Variants in PEX6 observed in about 807,000 individuals in gnomAD.
The protein encoded by PEX6 is peroxisome biogenesis factor 6.
In PEX6, 55 loss-of-function variants were observed where a neutral mutation model predicts 85.6. That is an observed-to-expected ratio of 0.64 (90% CI 0.52 to 0.80). PEX6 has a LOEUF of 0.80. Ranked by LOEUF, PEX6 falls within the 30% of genes least tolerant of loss-of-function variation. The pLI is 0.00. For missense variants in PEX6, 1,099 were observed against 1,260.3 expected (o/e 0.87, Z 1.94); for synonymous variants, 519 against 549.1 (o/e 0.95, Z 0.77).
rs372593973 is a variant in PEX6, at chr6:42,966,298, G to A, written c.2244C>T (p.Thr748=). Residue 748 remains threonine, a synonymous_variant, in exon 11 of 17, where the codon ACC becomes ACT. Transcript: ENST00000304611. ...SGLLLHGPPG[T]GKTLLAKAVA... is the part of the protein sequence containing the mutation. The stretch of plus-strand genomic sequence containing the variant: ...CTGCCTTGGCCAGAAGGGTCTTGCC[G>A]GTGCCAGGGGGCCCATGGAGCAGAA... The A allele has an allele frequency of 3.3e-5, 53 of 1,612,396 alleles. No homozygotes were observed. The highest frequency in any genetic ancestry group is 4.5e-5 in the East Asian group (2 of 44,888).
At chr6:42,976,686 G>T (rs1581775775) in intron 1 of PEX6, among the ~76,000 whole-genome samples, 2 of 151,770 alleles carry the variant, frequency 1.3e-5, no homozygotes, top group Admixed American at 6.6e-5. Flanking sequence ...CACAATGAAG[G>T]TTTATTTTTT....
chr6:42,968,372 G>A lies in PEX6; in HGVS notation c.1606C>T (p.Arg536Trp), dbSNP rs368752843. 3.1e-5 allele frequency: 50 copies of A among 1,614,128 alleles called. No individual in the cohort carries two copies. Among genetic ancestry groups the A allele is most frequent in the African/African-American group, 2.9e-4 (22 of 75,068 alleles). Residue 536 changes from arginine (R) to tryptophan (W), a missense_variant, in exon 7 of 17, where the codon CGG becomes TGG. By Grantham distance (101) the Arg-to-Trp change is moderately radical. Around this residue, in one of 3 missense-constraint regions of PEX6, gnomAD observed 514 missense variants for 627.0 expected, o/e 0.82. Transcript: ENST00000304611. ...LLLTAVDLLG[R>W]DRDGLGEDAR... Reference sequence around the variant, plus strand: ...TCCTCACCCAGCCCATCACGGTCCCGGCCCAGAAGGTCCACAGCTGTGAGC... The same window carrying A: ...TCCTCACCCAGCCCATCACGGTCCCAGCCCAGAAGGTCCACAGCTGTGAGC...
At position 42,971,140 on chromosome 6, in the gene PEX6, G is replaced by A. The variant is rs971104059; in HGVS notation, c.1131-1153C>T. On this transcript the variant is annotated intron_variant, in intron 3 of 16. Transcript: ENST00000304611. The surrounding 1 kb of genome is among the most constrained non-coding windows in gnomAD (Gnocchi z 4.4). ...AGCTGCTCTCTCTAGCAGCAAAGGG[G>A]TGTGAGAGTGCAGCAAGGTGGAGGG... Among the ~76,000 whole-genome samples, 4 of 152,184 alleles carry A rather than the reference G, an allele frequency of 2.6e-5. No homozygotes were observed. The highest frequency in any genetic ancestry group is 5.9e-5 in the Non-Finnish European group (4 of 68,034).
At position 42,968,948 on chromosome 6, in the gene PEX6, GT is replaced by G. The variant is rs267608218; in HGVS notation, c.1404del (p.Arg469GlyfsTer11). On this transcript the variant is annotated frameshift_variant, in exon 6 of 17. Coordinates refer to ENST00000304611, the MANE Select transcript of PEX6 (RefSeq NM_000287.4). LOFTEE classifies it high-confidence loss of function. Reference sequence around the variant, plus strand: ...GTCTTCCCACAGCCTGGGGGGCCCCGTAGAAGGACACTGCTAGTTCCTGTCA... The same window carrying G: ...GTCTTCCCACAGCCTGGGGGGCCCCGAGAAGGACACTGCTAGTTCCTGTCA... Reference protein sequence around the residue: ...ALLTGTSSVLLRGPPGCGKTT... With the variant: ...ALLTGTSSVLXRGPPGCGKTT... The G allele has an allele frequency of 6.2e-7, 1 of 1,613,938 alleles. No individual in the cohort carries two copies. Among genetic ancestry groups the G allele is most frequent in the Non-Finnish European group, 8.5e-7 (1 of 1,179,906 alleles).
rs1019384281 is a variant in PEX6, at chr6:42,965,856, G to A, written c.2363-67C>T. 1 of 1,438,328 alleles carries A rather than the reference G, an allele frequency of 7.0e-7. No individual in the cohort carries two copies. Among genetic ancestry groups the A allele is most frequent in the Non-Finnish European group, 9.8e-7 (1 of 1,022,144 alleles). 89.1% of individuals were successfully genotyped at this position (1,438,328 alleles called of 1,614,324 possible). ...TGTGGGGGGTTGAAGTTAGGTGAGA[G>A]CAGGGAGGGAAACTGGGGCCTGACA... On this transcript the variant is annotated intron_variant, in intron 12 of 16. Coordinates refer to ENST00000304611, the MANE Select transcript of PEX6 (RefSeq NM_000287.4). This position sits in a 1 kb window ranked among gnomAD's most constrained non-coding sequence, Gnocchi z 5.0.
chr6:42,966,203 C>A (rs758580244), intron 11 of PEX6, 39 bp downstream of exon 11: 5 of 1,610,558 alleles, frequency 3.1e-6, no homozygotes, highest in Non-Finnish European at 2.5e-6. Context: ...TGCTGCAGCC[C>A]CTGATCCACC....
intron 1 of PEX6, among the ~76,000 whole-genome samples, chr6:42,975,804 G>C (rs1279954169): frequency 6.6e-6 from 1 of 151,040 alleles, no homozygotes; most frequent in Non-Finnish European, 1.5e-5. Context: ...TCTTCCTCCT[G>C]GGTTCAAATG....
At chr6:42,969,855 G>A (rs772980297) in intron 4 of PEX6, 30 bp downstream of exon 4, 87 of 1,613,870 alleles carry the variant, frequency 5.4e-5, no homozygotes, top group Admixed American at 4.2e-4. Flanking sequence ...TACCCCCTGC[G>A]CTGGTCTACA....
Position 42,964,480 on chromosome 6 carries a change from G to A in PEX6, c.2807-9C>T. On this transcript the variant is annotated splice_polypyrimidine_tract_variant and intron_variant, in intron 16 of 16. Coordinates refer to ENST00000304611, the MANE Select transcript of PEX6 (RefSeq NM_000287.4). The surrounding 1 kb of genome is among the most constrained non-coding windows in gnomAD (Gnocchi z 4.6). ...GCTACCTGGCTCCAGCCCTGGAGAT[G>A]ACAAGGTGGGGAGGCTGTGGTCTAT... is the stretch of plus-strand genomic sequence containing the variant. 6.2e-7 allele frequency: 1 copy of A among 1,612,998 alleles called. No homozygotes were observed. Among genetic ancestry groups the A allele is most frequent in the Non-Finnish European group, 8.5e-7 (1 of 1,179,946 alleles).
At chr6:42,967,293 G>A in intron 8 of PEX6, 75 bp downstream of exon 8, 2 of 1,426,872 alleles carry the variant, frequency 1.4e-6, no homozygotes, top group Non-Finnish European at 1.9e-6. Flanking sequence ...TCACTCACAA[G>A]GCAACAGGAC....
In PEX6 at chr6:42,968,505, A is replaced by G. The variant is rs1187551020; in HGVS notation, c.1480-7T>C. On this transcript the variant is annotated splice_polypyrimidine_tract_variant and splice_region_variant and intron_variant, in intron 6 of 16. Transcript: ENST00000304611. ...AGAGGCTGGAGCAGGGCACCTGGGG[A>G]GGGGATCCCAATGGGTCTGTGAGCA... The G allele has an allele frequency of 6.4e-7, 1 of 1,561,494 alleles. No homozygotes were observed. The highest frequency in any genetic ancestry group is 8.7e-7 in the Non-Finnish European group (1 of 1,152,134).
At chr6:42,969,447 G>C (rs971467441) in intron 5 of PEX6, among the ~76,000 whole-genome samples, 1 of 152,182 alleles carries the variant, frequency 6.6e-6, no homozygotes, top group Admixed American at 6.5e-5. Context: ...TCTTCCTCCA[G>C]AGCCAGCCCT....
At chr6:42,969,037 G>T in intron 5 of PEX6, 52 bp from the exon 6 acceptor site, 1 of 1,209,926 alleles carries the variant, frequency 8.3e-7, no homozygotes, top group Non-Finnish European at 1.2e-6. Context: ...AAACATTAGA[G>T]TCCCCAGTAA....
rs764725665 is a variant in PEX6 at position 42,967,588 on chromosome 6, AG to A, written c.1689-26del. Reference sequence around the variant, plus strand: ...GCTGCAGACAGAGGAGTGGGCACTGAGGGTGAGAACATGGCTGGCAGCTCCT... The same window carrying A: ...GCTGCAGACAGAGGAGTGGGCACTGAGGTGAGAACATGGCTGGCAGCTCCT... On this transcript the variant is annotated intron_variant, in intron 7 of 16. Coordinates refer to ENST00000304611, the MANE Select transcript of PEX6 (RefSeq NM_000287.4). The A allele has an allele frequency of 8.9e-6, 14 of 1,580,266 alleles. No individual in the cohort carries two copies. The East Asian group carries it at 3.0e-4, about 34-fold the overall frequency.
At chr6:42,966,752 T>A in intron 9 of PEX6, 30 bp downstream of exon 9, 1 of 1,613,868 alleles carries the variant, frequency 6.2e-7, no homozygotes, top group South Asian at 1.1e-5. Flanking sequence ...ATTTCCTCTT[T>A]CCGCCTTTCC....
intron 9 of PEX6, 38 bp downstream of exon 9, chr6:42,966,744 T>G: frequency 6.2e-7 from 1 of 1,613,658 alleles, no homozygotes; most frequent in East Asian, 2.2e-5. Context: ...CTACATCCAT[T>G]TCCTCTTTCC....
At position 42,965,174 on chromosome 6, in the gene PEX6, TAA is replaced by T; in HGVS notation, c.2589-24_2589-23del. The T allele has an allele frequency of 6.2e-7, 1 of 1,613,660 alleles. No individual in the cohort carries two copies. Among genetic ancestry groups the T allele is most frequent in the Non-Finnish European group, 8.5e-7 (1 of 1,179,608 alleles). On this transcript the variant is annotated intron_variant, in intron 14 of 16. Coordinates refer to ENST00000304611, the MANE Select transcript of PEX6 (RefSeq NM_000287.4). This position sits in a 1 kb window ranked among gnomAD's most constrained non-coding sequence, Gnocchi z 5.0. ...AAATCTTTAGGGAGATAGGCAGGTA[TAA>T]GTTTCAGGGAGCCCAGCCATGAGGG... is the stretch of plus-strand genomic sequence containing the variant.
In PEX6 at chr6:42,968,869, C is replaced by T; in HGVS notation, c.1479+5G>A. The stretch of plus-strand genomic sequence containing the variant: ...GCTGGGGTTCTACTCTCCAGAGACC[C>T]TCACCTTCAGTAAGTGGAGCCCAAG... On this transcript the variant is annotated splice_donor_5th_base_variant and intron_variant, in intron 6 of 16. Transcript: ENST00000304611. The T allele has an allele frequency of 6.2e-7, 1 of 1,601,944 alleles. No individual in the cohort carries two copies. Among genetic ancestry groups the T allele is most frequent in the Non-Finnish European group, 8.6e-7 (1 of 1,168,978 alleles).
chr6:42,979,027 G>C lies in PEX6; in HGVS notation c.124C>G (p.Pro42Ala). 2 of 1,529,876 alleles carry C rather than the reference G, an allele frequency of 1.3e-6. No individual in the cohort carries two copies. The allele number at this position is 1,529,876 out of a possible 1,614,324, so 94.8% of individuals were successfully genotyped here. Residue 42 changes from proline to alanine, a missense_variant, in exon 1 of 17, where the codon CCT becomes GCT. Pro to Ala is a conservative substitution (Grantham distance 27). Transcript: ENST00000304611. The part of the protein sequence containing the change: ...AELGLVLALR[P>A]AGESPAGPAL... The stretch of plus-strand genomic sequence containing the variant: ...GGCCCTGCCGGGCTCTCCCCTGCAG[G>C]CCTCAGGGCCAGCACCAGGCCCAGC...
Sources: gnomAD v4.1 joint callset for allele counts (sites outside exome capture counted in the v4.1 genomes callset) on GRCh38, gnomAD v4.1.1 for gene constraint, gnomAD v4.1.1 regional missense constraint, Gnocchi (gnomAD v3.1) non-coding constraint, MANE v1.5 for transcripts, NCBI Gene and HGNC (gene_info 2026-07-23, HGNC 2026-07-21) for gene names.